The following LRMDA variants were observed in gnomAD, a reference collection of about 807,000 sequenced individuals.
The protein encoded by LRMDA is leucine-rich melanocyte differentiation-associated protein.
LRMDA carries 18 observed loss-of-function variants against 29.8 expected under a neutral mutation model. The ratio of observed to expected loss-of-function variants is 0.60; its 90% CI spans 0.42 to 0.90. LRMDA has a LOEUF of 0.90. Among genes scored for constraint, LRMDA ranks in the 40% least tolerant of loss-of-function variants. LRMDA has a pLI of 0.00. For missense variants in LRMDA, 273 were observed against 273.9 expected (o/e 1.00, Z 0.02); for synonymous variants, 125 against 109.4 (o/e 1.14, Z -0.89).
chr10:76,531,559 T>A (rs1843233970), intron 6 of LRMDA, among the ~76,000 whole-genome samples: 1 of 152,208 alleles, frequency 6.6e-6, no homozygotes, highest in African/African-American at 2.4e-5. Context: ...TTTATTTTTT[T>A]AAATTGGTTG....
At chr10:76,156,810 G>A (rs1271484970) in intron 5 of LRMDA, among the ~76,000 whole-genome samples, 1 of 152,328 alleles carries the variant, frequency 6.6e-6, no homozygotes, top group African/African-American at 2.4e-5. Flanking sequence ...ATTTATAGGA[G>A]AGCAGGTAAG....
intron 2 of LRMDA, among the ~76,000 whole-genome samples, chr10:75,784,017 G>A (rs1482107027): frequency 6.6e-6 from 1 of 152,208 alleles, no homozygotes; most frequent in Non-Finnish European, 1.5e-5. Flanking sequence ...TAGGGAATGA[G>A]GTGGAAGGAA....
chr10:75,797,873 C>G (rs1843680161), intron 2 of LRMDA, among the ~76,000 whole-genome samples: 1 of 152,126 alleles, frequency 6.6e-6, no homozygotes, highest in South Asian at 2.1e-4. Context: ...TGGATACATA[C>G]CTTTGAGTCA....
At chr10:76,337,149 G>A (rs1840979476) in intron 6 of LRMDA, among the ~76,000 whole-genome samples, 1 of 152,096 alleles carries the variant, frequency 6.6e-6, no homozygotes, top group Admixed American at 6.6e-5. Context: ...CAAATCCCTG[G>A]AAGTTTATTA....
At chr10:75,605,330 TCTGTTCCACA>T (rs1840943120) in intron 2 of LRMDA, among the ~76,000 whole-genome samples, 1 of 152,214 alleles carries the variant, frequency 6.6e-6, no homozygotes, top group East Asian at 1.9e-4. Context: ...TAGAAGACAG[TCTGTTCCACA>T]CTGTAGTTTA....
intron 6 of LRMDA, among the ~76,000 whole-genome samples, chr10:76,364,485 A>G (rs1452341834): frequency 7.0e-6 from 1 of 142,604 alleles, no homozygotes; most frequent in South Asian, 2.3e-4. Flanking sequence ...TTGACCCCAA[A>G]TTGTAACAAT....
chr10:76,159,902 C>A (rs1850612233), intron 5 of LRMDA, among the ~76,000 whole-genome samples: 1 of 152,098 alleles, frequency 6.6e-6, no homozygotes, highest in Non-Finnish European at 1.5e-5. Context: ...AGGCAGAGAA[C>A]AGAGGATTTG....
In LRMDA at chr10:76,136,843, C is replaced by T. The variant is rs572844848; in HGVS notation, c.516+78060C>T. On this transcript the variant is annotated intron_variant, in intron 5 of 6. Transcript: ENST00000611255. Reference sequence around the variant, plus strand: ...ATATACCAGGCTGAGGAGGACCAAGCGTATCAATACCCCAAGGAAGCACGT... The same window carrying T: ...ATATACCAGGCTGAGGAGGACCAAGTGTATCAATACCCCAAGGAAGCACGT... 1.1e-3 allele frequency among the ~76,000 whole-genome samples: 174 copies of T among 152,178 alleles called. 4 individuals are homozygous for T. The South Asian group carries it at 0.035, about 30-fold the overall frequency.
At chr10:76,303,590 T>A in intron 5 of LRMDA, among the ~76,000 whole-genome samples, 1 of 152,118 alleles carries the variant, frequency 6.6e-6, no homozygotes, top group East Asian at 1.9e-4. Context: ...ATTTAGTGGG[T>A]AGTACATCTG....
chr10:75,633,266 C>G (rs1841350378), intron 2 of LRMDA, among the ~76,000 whole-genome samples: 1 of 152,140 alleles, frequency 6.6e-6, no homozygotes, highest in African/African-American at 2.4e-5. Flanking sequence ...CAATTTAGAG[C>G]CTGCACTTAG....
At chr10:75,624,967 A>G (rs1289459949) in intron 2 of LRMDA, among the ~76,000 whole-genome samples, 1 of 152,216 alleles carries the variant, frequency 6.6e-6, no homozygotes, top group African/African-American at 2.4e-5. Flanking sequence ...TTATGTAAAG[A>G]GTCACAAGAC....
intron 6 of LRMDA, among the ~76,000 whole-genome samples, chr10:76,354,351 G>A (rs536285044): frequency 2.0e-5 from 3 of 152,276 alleles, no homozygotes; most frequent in Admixed American, 1.3e-4. Flanking sequence ...TTGATATGGG[G>A]CAACAGATCC....
At chr10:75,456,884 C>T (rs1313251860) in intron 2 of LRMDA, among the ~76,000 whole-genome samples, 1 of 152,114 alleles carries the variant, frequency 6.6e-6, no homozygotes, top group Admixed American at 6.5e-5. Flanking sequence ...CCATTTTGGC[C>T]AGGCCGGTCT....
chr10:75,736,466 G>T (rs1842763747), intron 2 of LRMDA, among the ~76,000 whole-genome samples: 1 of 152,262 alleles, frequency 6.6e-6, no homozygotes, highest in Admixed American at 6.5e-5. Flanking sequence ...TTGTCATGCG[G>T]TGCTATTAAT....
chr10:75,766,555 G>A (rs1018943069), intron 2 of LRMDA, among the ~76,000 whole-genome samples: 3 of 152,220 alleles, frequency 2.0e-5, no homozygotes, highest in Non-Finnish European at 1.5e-5. Context: ...TTTGCATGCT[G>A]TTCTTTTTTT....
chr10:75,984,879 G>C (rs941400513), intron 2 of LRMDA, among the ~76,000 whole-genome samples: 1 of 152,174 alleles, frequency 6.6e-6, no homozygotes, highest in African/African-American at 2.4e-5. Flanking sequence ...CATTCTTAAT[G>C]AGCCTCAATT....
intron 2 of LRMDA, among the ~76,000 whole-genome samples, chr10:75,753,743 G>A (rs1842993744): frequency 6.6e-6 from 1 of 152,200 alleles, no homozygotes; most frequent in Non-Finnish European, 1.5e-5. Context: ...AATCTGATTT[G>A]TGTTTTTCAC....
intron 2 of LRMDA, among the ~76,000 whole-genome samples, chr10:75,984,101 T>C (rs1847221559): frequency 1.3e-5 from 2 of 152,128 alleles, no homozygotes; most frequent in Admixed American, 6.5e-5. Flanking sequence ...AGAATGTCAG[T>C]GTCTGGGCAT....
At chr10:76,227,259 A>G (rs1851976121) in intron 5 of LRMDA, among the ~76,000 whole-genome samples, 1 of 152,240 alleles carries the variant, frequency 6.6e-6, no homozygotes, top group Non-Finnish European at 1.5e-5. Context: ...TAATATCAGT[A>G]AATATATCGG....
Sources: gnomAD v4.1 joint callset for allele counts (sites outside exome capture counted in the v4.1 genomes callset) on GRCh38, gnomAD v4.1.1 for gene constraint, MANE v1.5 for transcripts, NCBI Gene and HGNC (gene_info 2026-07-23, HGNC 2026-07-21) for gene names.